Variants in SNAPC3 observed in about 807,000 individuals in gnomAD.
SNAPC3 encodes the protein small nuclear RNA activating complex polypeptide 3, also known as snRNA-activating protein complex subunit 3.
A neutral mutation model predicts 47.7 loss-of-function variants in SNAPC3; 56 were observed. The observed-to-expected ratio is 1.18, with a 90% CI of 0.95 to 1.47. The LOEUF (loss-of-function observed/expected upper bound fraction) is 1.47. SNAPC3 is among the 40% of genes most tolerant of loss of function. The pLI is 0.00. For synonymous variants in SNAPC3, 235 were observed against 189.9 expected (o/e 1.24, Z -1.95); for missense variants, 665 against 511.3 (o/e 1.30, Z -2.90).
At chr9:15,452,998 T>C in intron 6 of SNAPC3, 43 bp from the exon 7 acceptor site, 1 of 1,515,386 alleles carries the variant, frequency 6.6e-7, no homozygotes, top group African/African-American at 1.4e-5. Flanking sequence ...AGTTTTTAAG[T>C]TTTTGTGGAA....
chr9:15,441,156 T>C lies in SNAPC3; in HGVS notation c.478-3446T>C, dbSNP rs530581354. Among the ~76,000 whole-genome samples the C allele has an allele frequency of 9.8e-4, 149 of 151,508 alleles. 3 individuals are homozygous for C. In the South Asian group the frequency reaches 0.029, roughly 29 times the overall value. ...ATTGTACAAATTTCTGGGGTACTCA[T>C]TGAGCACATTTAAGTCAGTTGCTGT... On this transcript the variant is annotated intron_variant, in intron 3 of 8. Transcript: ENST00000380821.
At chr9:15,433,958 C>G in intron 3 of SNAPC3, 1 of 189,738 alleles carries the variant, frequency 5.3e-6, no homozygotes, top group Non-Finnish European at 1.1e-5. Flanking sequence ...TAACCACATT[C>G]TCAATCCTCA....
At chr9:15,465,789 A>ACCAAC (rs375005293), downstream of SNAPC3, 1 of 481,862 alleles carries the variant, frequency 2.1e-6, no homozygotes, top group African/African-American at 2.0e-5. Context: ...TTCTTCCCAA[A>ACCAAC]GTAATATGCA....
intron 2 of SNAPC3, among the ~76,000 whole-genome samples, chr9:15,426,090 G>C (rs925226029): frequency 6.6e-6 from 1 of 152,108 alleles, no homozygotes; most frequent in Non-Finnish European, 1.5e-5. Flanking sequence ...CCAACCTCTC[G>C]TGATCCACCC....
chr9:15,463,755 A>G (rs181314630), downstream of SNAPC3: 6 of 152,304 alleles, frequency 3.9e-5, no homozygotes, highest in East Asian at 9.6e-4. Flanking sequence ...TACATCAACT[A>G]GTTAGAGCAA....
rs762852888 is a variant in SNAPC3, at chr9:15,459,762, T to G, written c.1132T>G (p.Phe378Val). The G allele has an allele frequency of 6.2e-7, 1 of 1,613,848 alleles. No homozygotes were observed. Among genetic ancestry groups the G allele is most frequent in the East Asian group, 2.2e-5 (1 of 44,864 alleles). The change falls in exon 9 of 9, where the codon TTC becomes GTC. Residue 378 changes from phenylalanine (F) to valine (V), a missense_variant. Coordinates refer to ENST00000380821, the MANE Select transcript of SNAPC3 (RefSeq NM_001039697.2). ...CAGTTTTGCACCAGAGGACCCATGC[T>G]TCTTTTGTGATGTTTGCTTCCGAAT... is the stretch of plus-strand genomic sequence containing the variant. ...NDSFAPEDPC[F>V]FCDVCFRMLH...
intron 2 of SNAPC3, among the ~76,000 whole-genome samples, chr9:15,429,368 A>G (rs949008323): frequency 2.0e-5 from 3 of 152,210 alleles, no homozygotes; most frequent in Admixed American, 2.0e-4. Context: ...TATCCAACCA[A>G]TTGATGACTG....
At chr9:15,436,840 T>G (rs1397233848) in intron 3 of SNAPC3, among the ~76,000 whole-genome samples, 1 of 89,738 alleles carries the variant, frequency 1.1e-5, no homozygotes, top group Admixed American at 1.1e-4. Context: ...TTTTTTTTTT[T>G]GAGACGAAGT....
chr9:15,437,581 T>C (rs1210681237), intron 3 of SNAPC3, among the ~76,000 whole-genome samples: 1 of 152,026 alleles, frequency 6.6e-6, no homozygotes, highest in African/African-American at 2.4e-5. Context: ...TGTTAGATTT[T>C]GTCAAATGCT....
In SNAPC3 at chr9:15,422,962, A is replaced by C. The variant is rs41316011; in HGVS notation, c.83A>C (p.Asn28Thr). 100 of 1,538,986 alleles carry C rather than the reference A, an allele frequency of 6.5e-5. 2 individuals are homozygous for C. The South Asian group carries it at 7.0e-4, about 11-fold the overall frequency. ...CCAGTCTCCGGCAGTGGCGGCTGCA[A>C]CTTTCCAGAGTATGAGCTTCCCGAG... ...QDPVSGSGGCNFPEYELPELN... is the reference protein window; with the variant it reads ...QDPVSGSGGCTFPEYELPELN... Residue 28 changes from asparagine (N) to threonine (T), a missense_variant, in exon 1 of 9, where the codon AAC becomes ACC. Asn to Thr is a moderately conservative substitution (Grantham distance 65). Coordinates refer to ENST00000380821, the MANE Select transcript of SNAPC3 (RefSeq NM_001039697.2).
At chr9:15,462,814 GTTTC>G (rs1328937334), downstream of SNAPC3, 1 of 152,154 alleles carries the variant, frequency 6.6e-6, no homozygotes, top group Non-Finnish European at 1.5e-5. Flanking sequence ...TATTAAACCA[GTTTC>G]TTTGTTTCTA....
chr9:15,452,570 G>T (rs750393529), intron 6 of SNAPC3, among the ~76,000 whole-genome samples: 6 of 151,786 alleles, frequency 4.0e-5, no homozygotes, highest in South Asian at 2.1e-4. Flanking sequence ...CGCCCACCTC[G>T]GCCTCCCGAA....
Position 15,447,244 on chromosome 9 carries a change from A to C in SNAPC3, c.732A>C (p.Lys244Asn). The C allele has an allele frequency of 6.2e-7, 1 of 1,613,836 alleles. No homozygotes were observed. The highest frequency in any genetic ancestry group is 8.5e-7 in the Non-Finnish European group (1 of 1,179,780). The change falls in exon 5 of 9, where the codon AAA becomes AAC. Residue 244 changes from lysine to asparagine, a missense_variant and splice_region_variant. Coordinates refer to ENST00000380821, the MANE Select transcript of SNAPC3 (RefSeq NM_001039697.2). ...ACCAAGCCCCTGAGCACATCAGCAA[A>C]GTAAGGTGATTTCCTCCCATAAAAC... ...TPDQAPEHIS[K>N]DLYKSAFFYF...
At chr9:15,450,276 C>G (rs186288364) in intron 5 of SNAPC3, among the ~76,000 whole-genome samples, 67 of 152,138 alleles carry the variant, frequency 4.4e-4, no homozygotes, top group African/African-American at 1.6e-3. Flanking sequence ...AACAACATAG[C>G]CAGTCTTGCA....
At chr9:15,452,921 G>A (rs2034499851) in intron 6 of SNAPC3, 120 bp from the exon 7 acceptor site, 1 of 748,234 alleles carries the variant, frequency 1.3e-6, no homozygotes, top group Non-Finnish European at 2.1e-6. Flanking sequence ...TCTCAAGATG[G>A]CAACTGTCCA....
chr9:15,451,360 T>C lies in SNAPC3; in HGVS notation c.773T>C (p.Phe258Ser). 6.4e-7 allele frequency: 1 copy of C among 1,553,866 alleles called. No individual in the cohort carries two copies. The highest frequency in any genetic ancestry group is 8.8e-7 in the Non-Finnish European group (1 of 1,134,620). The change falls in exon 6 of 9, where the codon TTT becomes TCT. Residue 258 changes from phenylalanine (F) to serine (S), a missense_variant. Coordinates refer to ENST00000380821, the MANE Select transcript of SNAPC3 (RefSeq NM_001039697.2). The part of the protein sequence containing the change: ...KSAFFYFEGT[F>S]YNDKRYPECR... Reference sequence around the variant, plus strand: ...GCCTTCTTTTATTTTGAAGGAACATTTTATAATGATAAAAGATACCCAGAA... The same window carrying C: ...GCCTTCTTTTATTTTGAAGGAACATCTTATAATGATAAAAGATACCCAGAA...
chr9:15,439,003 A>G (rs2033080925), intron 3 of SNAPC3, among the ~76,000 whole-genome samples: 1 of 152,052 alleles, frequency 6.6e-6, no homozygotes. Flanking sequence ...TTTGCTTCAT[A>G]TATTTTATTT....
chr9:15,438,779 T>C (rs1249620094), intron 3 of SNAPC3, among the ~76,000 whole-genome samples: 1 of 152,230 alleles, frequency 6.6e-6, no homozygotes, highest in African/African-American at 2.4e-5. Context: ...TGGTGTATCC[T>C]GGAGAATGGT....
chr9:15,441,904 T>C (rs1455920484), intron 3 of SNAPC3, among the ~76,000 whole-genome samples: 1 of 152,332 alleles, frequency 6.6e-6, no homozygotes, highest in Middle Eastern at 3.4e-3. Flanking sequence ...CAATGAGCTG[T>C]TGGGTACACC....
Sources: allele counts gnomAD v4.1 joint callset (sites outside exome capture counted in the v4.1 genomes callset), GRCh38; gene constraint gnomAD v4.1.1; transcripts MANE v1.5; gene names NCBI Gene and HGNC (gene_info 2026-07-23, HGNC 2026-07-21).